Variants in PLPPR5 observed in about 807,000 individuals in gnomAD.
PLPPR5 encodes the protein phospholipid phosphatase-related protein type 5.
Under a neutral mutation model 33.9 loss-of-function variants are expected in PLPPR5, and 16 were observed. That is an observed-to-expected ratio of 0.47 (90% CI 0.32 to 0.72). The LOEUF is 0.72. Ranked by LOEUF, PLPPR5 falls within the 30% of genes least tolerant of loss-of-function variation. The pLI, the probability that PLPPR5 is intolerant of heterozygous loss-of-function variation, is 0.03. For missense variants in PLPPR5, 301 were observed against 406.7 expected (o/e 0.74, Z 2.23); for synonymous variants, 163 against 150.3 (o/e 1.08, Z -0.62).
intron 5 of PLPPR5, among the ~76,000 whole-genome samples, chr1:98,904,438 C>T (rs1352911057): frequency 6.6e-6 from 1 of 151,978 alleles, no homozygotes; most frequent in Non-Finnish European, 1.5e-5. Context: ...CTTAATAAAA[C>T]TATATGGATA....
Position 98,899,943 on chromosome 1 carries a change from T to C in PLPPR5, c.934-6839A>G, listed in dbSNP as rs547207393. 5.3e-5 allele frequency among the ~76,000 whole-genome samples: 8 copies of C among 152,270 alleles called. No homozygotes were observed. In the East Asian group the frequency reaches 1.5e-3, roughly 29 times the overall value. ...TGGATATGGGTATCCATGCACTTTG[T>C]CTTCTAAGTTTGTTAACCTCCTCAA... On this transcript the variant is annotated intron_variant, in intron 5 of 5. Coordinates refer to ENST00000263177, the MANE Select transcript of PLPPR5 (RefSeq NM_001037317.2).
At chr1:98,981,123 T>A (rs1393602305) in intron 1 of PLPPR5, among the ~76,000 whole-genome samples, 2 of 152,046 alleles carry the variant, frequency 1.3e-5, no homozygotes, top group Non-Finnish European at 2.9e-5. Flanking sequence ...TCTCTTTAGT[T>A]TACTAAACTA....
rs557959847 is a variant in PLPPR5, at chr1:99,004,687, C to G, written c.-16G>C. Reference sequence around the variant, plus strand: ...GCAGGGGCATGCACGCCTCCCGGGCCGGGCCGAGCCGAGCCGAGCGGGCGG... The same window carrying G: ...GCAGGGGCATGCACGCCTCCCGGGCGGGGCCGAGCCGAGCCGAGCGGGCGG... On this transcript the variant is annotated 5_prime_UTR_variant, in exon 1 of 6. Transcript: ENST00000263177. 7 of 1,540,394 alleles carry G rather than the reference C, an allele frequency of 4.5e-6. No individual in the cohort carries two copies. Among genetic ancestry groups the G allele is most frequent in the Admixed American group, 3.8e-5 (2 of 52,540 alleles).
At chr1:98,913,058 T>C (rs770452577) in intron 5 of PLPPR5, among the ~76,000 whole-genome samples, 1 of 152,070 alleles carries the variant, frequency 6.6e-6, no homozygotes, top group Non-Finnish European at 1.5e-5. Flanking sequence ...CTAGCCATTA[T>C]TTATCTTCTT....
intron 5 of PLPPR5, among the ~76,000 whole-genome samples, chr1:98,895,186 G>T (rs1286529657): frequency 1.3e-5 from 2 of 151,972 alleles, no homozygotes; most frequent in African/African-American, 4.8e-5. Flanking sequence ...CTAGAGTGTT[G>T]CCCTCATGAA....
In PLPPR5 at chr1:98,909,562, G is replaced by T. The variant is rs183025778; in HGVS notation, c.933+5224C>A. On this transcript the variant is annotated intron_variant, in intron 5 of 5. Coordinates refer to ENST00000263177, the MANE Select transcript of PLPPR5 (RefSeq NM_001037317.2). Reference sequence around the variant, plus strand: ...ATTATTAAGGGTTTCACTGGTACCAGACACAGTTTAAGTGCTTTTACCATT... The same window carrying T: ...ATTATTAAGGGTTTCACTGGTACCATACACAGTTTAAGTGCTTTTACCATT... Among the ~76,000 whole-genome samples the T allele has an allele frequency of 2.0e-5, 3 of 151,864 alleles. No individual in the cohort carries two copies. The East Asian group carries it at 5.8e-4, about 29-fold the overall frequency.
rs558095706 is a variant in PLPPR5, at chr1:98,933,087, T to G, written c.622-11029A>C. Among the ~76,000 whole-genome samples, 8 of 152,160 alleles carry G rather than the reference T, an allele frequency of 5.3e-5. No homozygotes were observed. In the South Asian group the frequency reaches 1.7e-3, roughly 32 times the overall value. On this transcript the variant is annotated intron_variant, in intron 3 of 5. Transcript: ENST00000263177. Reference sequence around the variant, plus strand: ...CCTCAAAACAGATGGCTACTCACAGTAAGCAGAATAAGTAAAGAACCCCAA... The same window carrying G: ...CCTCAAAACAGATGGCTACTCACAGGAAGCAGAATAAGTAAAGAACCCCAA...
chr1:98,951,434 A>T (rs1430304349), intron 3 of PLPPR5, among the ~76,000 whole-genome samples: 1 of 152,230 alleles, frequency 6.6e-6, no homozygotes. Flanking sequence ...GCAAGGAGAG[A>T]GTTGTAACAG....
chr1:98,927,512 T>C (rs74682603), intron 3 of PLPPR5, among the ~76,000 whole-genome samples: 2 of 152,180 alleles, frequency 1.3e-5, no homozygotes, highest in Non-Finnish European at 2.9e-5. Flanking sequence ...ACACCTTCCT[T>C]ATAGCCCCAG....
chr1:98,920,485 T>A (rs563172616), intron 4 of PLPPR5, among the ~76,000 whole-genome samples: 3 of 146,006 alleles, frequency 2.1e-5, no homozygotes, highest in African/African-American at 5.0e-5. Context: ...AGTTTTTGGT[T>A]CAAGCCAGGG....
At chr1:98,958,861 G>A (rs544439776) in intron 1 of PLPPR5, among the ~76,000 whole-genome samples, 8 of 152,096 alleles carry the variant, frequency 5.3e-5, no homozygotes, top group East Asian at 3.9e-4. Context: ...TGAGCTGACC[G>A]GCTCTGCACA....
chr1:98,970,941 T>C (rs1651635680), intron 1 of PLPPR5, among the ~76,000 whole-genome samples: 1 of 152,154 alleles, frequency 6.6e-6, no homozygotes, highest in Non-Finnish European at 1.5e-5. Context: ...TCTGAACTTC[T>C]GCACTTATCA....
chr1:98,905,773 T>C (rs760961332), intron 5 of PLPPR5, among the ~76,000 whole-genome samples: 1 of 152,194 alleles, frequency 6.6e-6, no homozygotes, highest in African/African-American at 2.4e-5. Flanking sequence ...GTTACTGGTA[T>C]ATTACTCAGT....
At chr1:98,922,382 G>A (rs1440514259) in intron 3 of PLPPR5, among the ~76,000 whole-genome samples, 2 of 151,878 alleles carry the variant, frequency 1.3e-5, no homozygotes, top group Non-Finnish European at 2.9e-5. Flanking sequence ...ATCCATTCTT[G>A]TTTTATCTGA....
At chr1:98,929,959 G>A (rs1649906492) in intron 3 of PLPPR5, among the ~76,000 whole-genome samples, 2 of 152,226 alleles carry the variant, frequency 1.3e-5, no homozygotes, top group Admixed American at 6.5e-5. Flanking sequence ...AAATAAATAA[G>A]CTGTGTAACA....
chr1:98,993,711 C>T (rs986878192), intron 1 of PLPPR5, among the ~76,000 whole-genome samples: 1 of 151,976 alleles, frequency 6.6e-6, no homozygotes, highest in Non-Finnish European at 1.5e-5. Context: ...ACATAGTGTT[C>T]TGCTTTGATG....
At position 98,972,061 on chromosome 1, in the gene PLPPR5, GGT is replaced by G. The variant is rs1161328002; in HGVS notation, c.238-15322_238-15321del. Among the ~76,000 whole-genome samples the G allele has an allele frequency of 2.0e-5, 3 of 152,072 alleles. No individual in the cohort carries two copies. The East Asian group carries it at 5.8e-4, about 29-fold the overall frequency. ...GACTTAACTATGGAGGATCATGAGT[GGT>G]GTTGGGCCCAAACGAACCCTCAATG... On this transcript the variant is annotated intron_variant, in intron 1 of 5. Coordinates refer to ENST00000263177, the MANE Select transcript of PLPPR5 (RefSeq NM_001037317.2).
intron 1 of PLPPR5, among the ~76,000 whole-genome samples, chr1:98,958,245 C>A (rs1052561497): frequency 6.6e-6 from 1 of 152,160 alleles, no homozygotes; most frequent in African/African-American, 2.4e-5. Flanking sequence ...AAAGTAGTAT[C>A]TATGATTACA....
intron 5 of PLPPR5, among the ~76,000 whole-genome samples, chr1:98,900,830 C>A (rs1252414453): frequency 6.6e-6 from 1 of 152,042 alleles, no homozygotes; most frequent in Non-Finnish European, 1.5e-5. Context: ...CAAAGAGGCA[C>A]CACTGATAAA....
Sources: gnomAD v4.1 joint callset for allele counts (sites outside exome capture counted in the v4.1 genomes callset) on GRCh38, gnomAD v4.1.1 for gene constraint, MANE v1.5 for transcripts, NCBI Gene and HGNC (gene_info 2026-07-23, HGNC 2026-07-21) for gene names.